Variants in HDGFL2 observed in about 807,000 individuals in gnomAD.
The protein encoded by HDGFL2 is hepatoma-derived growth factor-related protein 2.
HDGFL2 carries 36 observed loss-of-function variants against 77.1 expected under a neutral mutation model. That is an observed-to-expected ratio of 0.47 (90% confidence interval 0.36 to 0.62). The LOEUF (loss-of-function observed/expected upper bound fraction) is 0.62. Among genes scored for constraint, HDGFL2 ranks in the 20% least tolerant of loss-of-function variants. The probability of loss-of-function intolerance (pLI) is 0.00; values close to 1 mark genes in which losing one functional copy is unlikely to be tolerated. For missense variants in HDGFL2, 976 were observed against 973.4 expected, an observed-to-expected ratio of 1.00 and a Z score of -0.04; for synonymous variants, 463 against 413.1, an observed-to-expected ratio of 1.12 and a Z score of -1.46.
At chr19:4,498,151 G>C in intron 11 of HDGFL2, 120 bp downstream of exon 11, 1 of 1,209,810 alleles carries the variant, frequency 8.3e-7, no homozygotes, top group Non-Finnish European at 1.2e-6. Flanking sequence ...ATCCTCGGCC[G>C]GCCTGGCCGG....
chr19:4,473,006 G>C (rs1974984425), intron 1 of HDGFL2, among the ~76,000 whole-genome samples: 1 of 149,220 alleles, frequency 6.7e-6, no homozygotes, highest in Non-Finnish European at 1.5e-5. Flanking sequence ...TCAGAGAGTC[G>C]CTCCCTGGGA....
At position 4,494,317 on chromosome 19, in the gene HDGFL2, C is replaced by T. The variant is rs1975640065; in HGVS notation, c.1066C>T (p.Arg356Trp). ...EKEEKERRRE[R>W]ADRGEAERGS... ...GGAGGAGAAGGAGCGGAGGCGCGAG[C>T]GGGCCGACCGCGGGGAGGCTGAGCG... The change falls in exon 9 of 16, where the codon CGG (arginine) becomes TGG (tryptophan). Residue 356 changes from arginine (R) to tryptophan (W), a missense_variant. Transcript: ENST00000616600. 2.8e-6 allele frequency: 4 copies of T among 1,423,266 alleles called. No homozygotes were observed. Among genetic ancestry groups the T allele is most frequent in the Admixed American group, 3.2e-5 (1 of 31,722 alleles). The allele number at this position is 1,423,266 out of a possible 1,614,324, so 88.2% of individuals were successfully genotyped here. A position where few individuals can be genotyped will look rare whatever the true frequency, so the allele number is the denominator to read the frequency against.
chr19:4,481,536 C>T (rs957879664), intron 3 of HDGFL2, among the ~76,000 whole-genome samples: 2 of 151,316 alleles, frequency 1.3e-5, no homozygotes, highest in Non-Finnish European at 2.9e-5. Flanking sequence ...CCATGTTATC[C>T]AGGATGGTCT....
intron 6 of HDGFL2, among the ~76,000 whole-genome samples, chr19:4,493,046 CTGTG>C (rs1374449040): frequency 6.6e-5 from 6 of 90,982 alleles, no homozygotes; most frequent in East Asian, 3.8e-4. Context: ...TGTGTGGTAT[CTGTG>C]TGGTGTGTGT....
chr19:4,494,938 G>A (rs1170517625), intron 9 of HDGFL2, among the ~76,000 whole-genome samples: 1 of 151,794 alleles, frequency 6.6e-6, no homozygotes, highest in Non-Finnish European at 1.5e-5. Context: ...ACAAAGGAGG[G>A]AGGAGCTGTA....
At chr19:4,482,355 G>T (rs961784514) in intron 3 of HDGFL2, among the ~76,000 whole-genome samples, 5 of 151,930 alleles carry the variant, frequency 3.3e-5, no homozygotes, top group Non-Finnish European at 7.4e-5. Context: ...GACTACAGGC[G>T]CACATCACCA....
chr19:4,497,766 C>T lies in HDGFL2; in HGVS notation c.1329-192C>T, dbSNP rs919408641. The T allele has an allele frequency of 5.1e-6, 3 of 583,212 alleles. No homozygotes were observed. In the African/African-American group the frequency reaches 5.6e-5, roughly 11 times the overall value. 36.1% of individuals were successfully genotyped at this position (583,212 alleles called of 1,614,324 possible). On this transcript the variant is annotated intron_variant, in intron 10 of 15. Transcript: ENST00000616600. ...GGCTTGTATCTTTGGGCAGCTCGAG[C>T]CTGTGGCTGCCCTGGTCTGCCCTAG...
At chr19:4,497,188 GT>G (rs1975727424) in intron 10 of HDGFL2, 1 of 427,380 alleles carries the variant, frequency 2.3e-6, no homozygotes, top group African/African-American at 2.7e-5. Context: ...CCACGTTTTT[GT>G]TTTTGTTTTT....
At chr19:4,487,585 G>A (rs928893584) in intron 3 of HDGFL2, among the ~76,000 whole-genome samples, 7 of 152,096 alleles carry the variant, frequency 4.6e-5, no homozygotes, top group South Asian at 2.1e-4. Flanking sequence ...CCATACGCCC[G>A]TGTTTTCTTC....
chr19:4,494,040 C>T lies in HDGFL2; in HGVS notation c.897C>T (p.Ser299=), dbSNP rs139499446. ...GRKPKPERPP[S]SSSSDSDSDE... ...AACCGAAGCCTGAACGGCCTCCGTC[C>T]AGCTCCAGCAGTGACAGGTGGGTGC... The change falls in exon 8 of 16, where the codon TCC becomes TCT. Residue 299 remains serine, a synonymous_variant. Coordinates refer to ENST00000616600, the MANE Select transcript of HDGFL2 (RefSeq NM_001001520.3). 1.9e-6 allele frequency: 3 copies of T among 1,609,290 alleles called. No individual in the cohort carries two copies. The highest frequency in any genetic ancestry group is 2.5e-6 in the Non-Finnish European group (3 of 1,178,360).
intron 3 of HDGFL2, among the ~76,000 whole-genome samples, chr19:4,483,260 G>C (rs1324245202): frequency 1.3e-5 from 2 of 152,300 alleles, no homozygotes; most frequent in Middle Eastern, 3.4e-3. Context: ...CCCGGTTCTC[G>C]TTTTCCTTGT....
chr19:4,497,259 G>C, intron 10 of HDGFL2: 1 of 413,416 alleles, frequency 2.4e-6, no homozygotes. Context: ...GTGCAGTGGC[G>C]CCATCTCAGC....
At chr19:4,487,202 G>A (rs1044995683) in intron 3 of HDGFL2, among the ~76,000 whole-genome samples, 11 of 151,986 alleles carry the variant, frequency 7.2e-5, no homozygotes, top group African/African-American at 1.9e-4. Flanking sequence ...TCCTGACCTC[G>A]TGTTCCACCC....
chr19:4,493,906 G>A (rs1169713808), intron 7 of HDGFL2, 44 bp downstream of exon 7: 12 of 1,520,234 alleles, frequency 7.9e-6, no homozygotes, highest in East Asian at 2.5e-5. Flanking sequence ...GGCCCCTGCC[G>A]GGGCGCTCCC....
intron 1 of HDGFL2, among the ~76,000 whole-genome samples, chr19:4,473,211 T>TG (rs1460159110): frequency 1.4e-5 from 2 of 139,048 alleles, no homozygotes; most frequent in East Asian, 4.5e-4. Context: ...CGTGGGGATC[T>TG]GGGGGGTGTC....
At chr19:4,473,053 T>G (rs1462496455) in intron 1 of HDGFL2, among the ~76,000 whole-genome samples, 2 of 136,614 alleles carry the variant, frequency 1.5e-5, no homozygotes, top group African/African-American at 2.8e-5. Flanking sequence ...AGTCGCACCT[T>G]GGGGGTTTGG....
intron 3 of HDGFL2, among the ~76,000 whole-genome samples, chr19:4,482,682 GGCCAAGACCT>G (rs1427644487): frequency 1.5e-4 from 23 of 152,192 alleles, no homozygotes; most frequent in Admixed American, 3.9e-4. Context: ...CAGGCTTCGA[GGCCAAGACCT>G]GCTCGTGCTT....
intron 3 of HDGFL2, among the ~76,000 whole-genome samples, chr19:4,480,374 A>G (rs1356650661): frequency 6.6e-6 from 1 of 152,098 alleles, no homozygotes; most frequent in Non-Finnish European, 1.5e-5. Context: ...TCTGGCTGGT[A>G]CAAGCCAGGG....
chr19:4,476,850 C>G (rs1356845945), intron 3 of HDGFL2, among the ~76,000 whole-genome samples: 1 of 151,702 alleles, frequency 6.6e-6, no homozygotes, highest in Non-Finnish European at 1.5e-5. Context: ...GGGGTTCTTT[C>G]CTCTGCTTTA....
Sources: gnomAD v4.1 joint callset for allele counts (sites outside exome capture counted in the v4.1 genomes callset) on GRCh38, gnomAD v4.1.1 for gene constraint, MANE v1.5 for transcripts, NCBI Gene and HGNC (gene_info 2026-07-23, HGNC 2026-07-21) for gene names.